Variants in CNOT1 observed in about 807,000 individuals in gnomAD.
The protein encoded by CNOT1 is CCR4-associated factor 1.
CNOT1 carries 15 observed loss-of-function variants against 273.8 expected under a neutral mutation model. That is an observed-to-expected ratio of 0.05 (90% CI 0.04 to 0.08). CNOT1 has a LOEUF of 0.08. Ranked by LOEUF, CNOT1 falls within the 10% of genes least tolerant of loss-of-function variation. The probability of loss-of-function intolerance (pLI) is 1.00; values close to 1 mark genes in which losing one functional copy is unlikely to be tolerated. For synonymous variants in CNOT1, 1,022 were observed against 1,005.5 expected (o/e 1.02, Z -0.31); for missense variants, 1,644 against 2,912.2 (o/e 0.56, Z 10.02).
intron 2 of CNOT1, among the ~76,000 whole-genome samples, chr16:58,590,212 C>T (rs2042006628): frequency 6.6e-6 from 1 of 152,178 alleles, no homozygotes; most frequent in Non-Finnish European, 1.5e-5. Context: ...AAATTTACCA[C>T]CATCTATCCC....
chr16:58,619,380 A>T (rs1397054436), intron 1 of CNOT1, among the ~76,000 whole-genome samples: 1 of 151,372 alleles, frequency 6.6e-6, no homozygotes, highest in African/African-American at 2.5e-5. Flanking sequence ...TACACTGACC[A>T]TTAATTGTAA....
chr16:58,578,030 G>A (rs1389230964), intron 13 of CNOT1, among the ~76,000 whole-genome samples: 2 of 152,160 alleles, frequency 1.3e-5, no homozygotes, highest in Non-Finnish European at 2.9e-5. Context: ...ATTAAAAATT[G>A]CTCTGTGATC....
intron 2 of CNOT1, among the ~76,000 whole-genome samples, chr16:58,596,909 A>AC (rs2042280246): frequency 6.1e-5 from 9 of 147,600 alleles, no homozygotes; most frequent in Admixed American, 5.4e-4. Context: ...AAAAAAAAAA[A>AC]AAAAAAAACA....
rs150980791 is a variant in CNOT1, at chr16:58,614,447, G to A, written c.-174-14936C>T. Among the ~76,000 whole-genome samples the A allele has an allele frequency of 4.5e-3, 569 of 125,574 alleles. 109 individuals carry two copies. The highest frequency in any genetic ancestry group is 0.015 in the African/African-American group (542 of 37,264). 82.4% of individuals were successfully genotyped at this position (125,574 alleles called of 152,430 possible). On this transcript the variant is annotated intron_variant, in intron 1 of 48. Transcript: ENST00000317147. ...GTCTAGGAGCCTAAAATTTTAATATGTGGTAGGCAGAGGGTGCCTACAGGA... is the reference window on the plus strand; with the variant it reads ...GTCTAGGAGCCTAAAATTTTAATATATGGTAGGCAGAGGGTGCCTACAGGA...
At position 58,521,135 on chromosome 16, in the gene CNOT1, C is replaced by T. The variant is rs748427534; in HGVS notation, c.7052+48G>A. 13 of 1,612,712 alleles carry T rather than the reference C, an allele frequency of 8.1e-6. No individual in the cohort carries two copies. In the East Asian group the frequency reaches 2.7e-4, roughly 33 times the overall value. On this transcript the variant is annotated intron_variant, in intron 48 of 48. Transcript: ENST00000317147. ...ACCCAACCTAGAGACAGATGGTTTT[C>T]AGTCTCCAGTCTCATTCCTAGACAA...
rs1314827114 is a variant in CNOT1 at position 58,538,188 on chromosome 16, A to G, written c.5214T>C (p.Asn1738=). 2 of 1,540,612 alleles carry G rather than the reference A, an allele frequency of 1.3e-6. No individual in the cohort carries two copies. The highest frequency in any genetic ancestry group is 1.8e-6 in the Non-Finnish European group (2 of 1,112,820). The change falls in exon 37 of 49, where the codon AAT becomes AAC. Residue 1738 remains asparagine (N), a synonymous_variant. Transcript: ENST00000317147. ...CTAGGTGAAGATCATACTGCTGCAT[A>G]TTAACCAAATGATTGCGAATTAGCA... ...VELLIRNHLV[N]MQQYDLHLAQ...
intron 18 of CNOT1, 33 bp downstream of exon 18, chr16:58,558,440 A>AATC (rs2040714057): frequency 1.2e-6 from 2 of 1,612,086 alleles, no homozygotes; most frequent in Admixed American, 1.7e-5. Flanking sequence ...CAAACTTATG[A>AATC]ATAATCCATG....
At chr16:58,529,372 C>T (rs749144355) in intron 43 of CNOT1, among the ~76,000 whole-genome samples, 5 of 152,228 alleles carry the variant, frequency 3.3e-5, no homozygotes, top group East Asian at 1.9e-4. Flanking sequence ...AAAGGGCAAG[C>T]TGTGAGAGTG....
chr16:58,525,092 G>T, intron 46 of CNOT1, 87 bp downstream of exon 46: 1 of 1,238,172 alleles, frequency 8.1e-7, no homozygotes, highest in Non-Finnish European at 1.2e-6. Context: ...TCACTATTGT[G>T]GCTTGAAGCA....
chr16:58,587,823 G>A lies in CNOT1; in HGVS notation c.266C>T (p.Ser89Leu), dbSNP rs2041925729. 1 of 1,613,650 alleles carries A rather than the reference G, an allele frequency of 6.2e-7. No individual in the cohort carries two copies. The highest frequency in any genetic ancestry group is 8.5e-7 in the Non-Finnish European group (1 of 1,180,002). The change falls in exon 4 of 49, where the codon TCG becomes TTG. Residue 89 changes from serine (S) to leucine (L), a missense_variant. Physicochemically the swap from Ser to Leu is moderately radical, Grantham distance 145. Coordinates refer to ENST00000317147, the MANE Select transcript of CNOT1 (RefSeq NM_016284.5). ...ALLITKPNFISTLSYAIDNPL... is the reference protein window; with the variant it reads ...ALLITKPNFILTLSYAIDNPL... ...ATTATCAATGGCATAGGACAGCGTC[G>A]AGATAAAATTTGGCTTTGTAATCAG...
chr16:58,602,469 C>T (rs1476719143), intron 1 of CNOT1, among the ~76,000 whole-genome samples: 1 of 139,302 alleles, frequency 7.2e-6, no homozygotes, highest in East Asian at 2.2e-4. Flanking sequence ...AGGAGAATTG[C>T]CTAAACCTGA....
chr16:58,537,247 T>C, intron 38 of CNOT1, 27 bp from the exon 39 acceptor site: 2 of 1,552,148 alleles, frequency 1.3e-6, no homozygotes, highest in Non-Finnish European at 1.7e-6. Context: ...AGGGTGAAAA[T>C]CAGTCTCCTC....
chr16:58,582,314 G>T (rs2041685283), intron 10 of CNOT1, among the ~76,000 whole-genome samples: 1 of 151,854 alleles, frequency 6.6e-6, no homozygotes, highest in South Asian at 2.1e-4. Flanking sequence ...AAAAACAAAA[G>T]TTCCATTCTA....
At chr16:58,627,403 C>CAAAAAAAAAAA (rs754338444) in intron 1 of CNOT1, among the ~76,000 whole-genome samples, 2 of 65,166 alleles carry the variant, frequency 3.1e-5, no homozygotes, top group African/African-American at 7.2e-5. Context: ...GACTCCATCT[C>CAAAAAAAAAAA]AAAAAAAAAA....
chr16:58,559,933 T>A (rs777210607), intron 17 of CNOT1: 1 of 834,990 alleles, frequency 1.2e-6, no homozygotes, highest in South Asian at 1.3e-5. Context: ...GCAGTGCTTA[T>A]GTCTCAAGAG....
At chr16:58,585,180 C>T (rs2041795241) in intron 8 of CNOT1, among the ~76,000 whole-genome samples, 158 bp downstream of exon 8, 1 of 152,194 alleles carries the variant, frequency 6.6e-6, no homozygotes, top group Admixed American at 6.5e-5. Context: ...ATGTTTACAG[C>T]TGTCACACAC....
intron 1 of CNOT1, among the ~76,000 whole-genome samples, chr16:58,619,432 CTTTT>C (rs1023753231): frequency 6.9e-6 from 1 of 144,662 alleles, no homozygotes; most frequent in Non-Finnish European, 1.5e-5. Context: ...CATTTTCTTT[CTTTT>C]TTTTTTTTTG....
chr16:58,523,921 T>C (rs2039491665), intron 46 of CNOT1: 1 of 155,834 alleles, frequency 6.4e-6, no homozygotes, highest in Non-Finnish European at 1.4e-5. Flanking sequence ...CATGACAGAA[T>C]AGACCCAAAA....
intron 15 of CNOT1, 72 bp downstream of exon 15, chr16:58,574,935 A>G: frequency 1.3e-6 from 2 of 1,578,260 alleles, no homozygotes; most frequent in Non-Finnish European, 1.7e-6. Flanking sequence ...CACAAATTTT[A>G]AAAGTTGTAC....
Sources: gnomAD v4.1 joint callset for allele counts (sites outside exome capture counted in the v4.1 genomes callset) on GRCh38, gnomAD v4.1.1 for gene constraint, MANE v1.5 for transcripts, NCBI Gene and HGNC (gene_info 2026-07-23, HGNC 2026-07-21) for gene names.